The following SLC35F3 variants were observed in gnomAD, a reference collection of about 807,000 sequenced individuals.
The protein encoded by SLC35F3 is solute carrier family 35 member F3.
SLC35F3 carries 25 observed loss-of-function variants against 49.9 expected under a neutral mutation model. The observed-to-expected ratio is 0.50, with a 90% CI of 0.37 to 0.70. The LOEUF is 0.70. Among genes scored for constraint, SLC35F3 ranks in the 30% least tolerant of loss-of-function variants. The pLI is 0.00. For missense variants in SLC35F3, 525 were observed against 639.8 expected (o/e 0.82, Z 1.94); for synonymous variants, 275 against 265.4 (o/e 1.04, Z -0.35).
At chr1:234,216,976 G>C (rs1667131905) in intron 2 of SLC35F3, among the ~76,000 whole-genome samples, 1 of 152,082 alleles carries the variant, frequency 6.6e-6, no homozygotes, top group Admixed American at 6.5e-5. Context: ...TTTTTCCTTG[G>C]TGTTTTTATT....
chr1:234,269,354 C>T (rs1216420898), intron 3 of SLC35F3, among the ~76,000 whole-genome samples: 1 of 152,066 alleles, frequency 6.6e-6, no homozygotes, highest in African/African-American at 2.4e-5. Context: ...TGGGAAGTAA[C>T]CAGAATAGAA....
intron 2 of SLC35F3, among the ~76,000 whole-genome samples, chr1:234,060,725 T>A (rs1198702013): frequency 6.6e-6 from 1 of 152,218 alleles, no homozygotes; most frequent in Non-Finnish European, 1.5e-5. Flanking sequence ...GTGCTAGGAT[T>A]ACAGGCATGA....
At chr1:234,290,808 C>T (rs1668495104) in intron 3 of SLC35F3, among the ~76,000 whole-genome samples, 1 of 152,172 alleles carries the variant, frequency 6.6e-6, no homozygotes, top group Non-Finnish European at 1.5e-5. Context: ...ATGGAATGAA[C>T]CAGGACATTA....
In SLC35F3 at chr1:234,284,718, A is replaced by G. The variant is rs574396949; in HGVS notation, c.609-24383A>G. ...GAGAATGCCTGGCCCTTCCAAATGC[A>G]GGCATCCAGGTAACTCGTTCTGAAT... On this transcript the variant is annotated intron_variant, in intron 3 of 7. Transcript: ENST00000366618. Among the ~76,000 whole-genome samples the G allele has an allele frequency of 1.8e-3, 267 of 152,282 alleles. 1 individual carries two copies. Among genetic ancestry groups the G allele is most frequent in the African/African-American group, 6.2e-3 (257 of 41,536 alleles).
Position 233,905,028 on chromosome 1 carries a change from G to A in SLC35F3, c.-50G>A. The A allele has an allele frequency of 6.5e-7, 1 of 1,539,780 alleles. No individual in the cohort carries two copies. Among genetic ancestry groups the A allele is most frequent in the East Asian group, 2.5e-5 (1 of 40,440 alleles). ...CGGCTGCAGGGAGCTCCGGCCCGCGGCCCCTCCGCCTCAAGTCTGGGAGCT... is the reference window on the plus strand; with the variant it reads ...CGGCTGCAGGGAGCTCCGGCCCGCGACCCCTCCGCCTCAAGTCTGGGAGCT... On this transcript the variant is annotated 5_prime_UTR_variant, in exon 1 of 8. Coordinates refer to ENST00000366618, the MANE Select transcript of SLC35F3 (RefSeq NM_173508.4).
At chr1:234,236,227 G>A (rs896465008) in intron 3 of SLC35F3, among the ~76,000 whole-genome samples, 1 of 152,048 alleles carries the variant, frequency 6.6e-6, no homozygotes, top group South Asian at 2.1e-4. Context: ...GATTGATTGA[G>A]CCCAGAAGTT....
intron 2 of SLC35F3, among the ~76,000 whole-genome samples, chr1:233,972,344 A>T (rs1663009902): frequency 6.6e-6 from 1 of 152,234 alleles, no homozygotes; most frequent in African/African-American, 2.4e-5. Flanking sequence ...TGGCTGAAAC[A>T]TTATGAACAC....
At chr1:234,297,157 G>A (rs912272611) in intron 3 of SLC35F3, among the ~76,000 whole-genome samples, 2 of 152,186 alleles carry the variant, frequency 1.3e-5, no homozygotes, top group South Asian at 4.1e-4. Context: ...GACAACAAGT[G>A]TTAGTGATAA....
At chr1:233,935,730 G>A (rs10910313) in intron 2 of SLC35F3, among the ~76,000 whole-genome samples, 71,350 of 151,926 alleles carry the variant, frequency 0.47, 17,668 homozygotes, top group Middle Eastern at 0.58. Flanking sequence ...AGGCTCAGGG[G>A]TAAGAACTTG....
At chr1:233,944,638 AAGCAC>A (rs1662484000) in intron 2 of SLC35F3, among the ~76,000 whole-genome samples, 3 of 152,318 alleles carry the variant, frequency 2.0e-5, no homozygotes, top group Admixed American at 2.0e-4. Context: ...GTTTCATAGA[AAGCAC>A]ACTGACTTCT....
At chr1:234,302,684 T>C (rs967823477) in intron 3 of SLC35F3, among the ~76,000 whole-genome samples, 2 of 152,146 alleles carry the variant, frequency 1.3e-5, no homozygotes, top group Non-Finnish European at 2.9e-5. Flanking sequence ...TTGGCTCCGC[T>C]ACTAACATCT....
intron 2 of SLC35F3, among the ~76,000 whole-genome samples, chr1:234,186,178 C>G (rs761914527): frequency 2.0e-4 from 31 of 152,208 alleles, no homozygotes; most frequent in Non-Finnish European, 3.2e-4. Context: ...TAAGCAGTCT[C>G]ATTGCATTAA....
intron 2 of SLC35F3, among the ~76,000 whole-genome samples, chr1:234,008,595 G>T (rs1663666767): frequency 6.6e-6 from 1 of 152,164 alleles, no homozygotes; most frequent in African/African-American, 2.4e-5. Context: ...CATCTCTACT[G>T]CTTTCTTCTA....
chr1:234,112,556 C>CTTTT lies in SLC35F3; in HGVS notation c.284-118847_284-118844dup, dbSNP rs777353110. ...TTTTGTGAAGTTTATAATTCACACT[C>CTTTT]TTTTTTTTTTTTTTTTTGAGACAGA... On this transcript the variant is annotated intron_variant, in intron 2 of 7. Transcript: ENST00000366618. 1.1e-4 allele frequency among the ~76,000 whole-genome samples: 13 copies of CTTTT among 116,358 alleles called. 2 individuals are homozygous for CTTTT. Among genetic ancestry groups the CTTTT allele is most frequent in the East Asian group, 7.9e-4 (3 of 3,802 alleles). 76.3% of individuals were successfully genotyped at this position (116,358 alleles called of 152,430 possible).
At chr1:234,283,605 A>C (rs190127871) in intron 3 of SLC35F3, among the ~76,000 whole-genome samples, 131 of 152,356 alleles carry the variant, frequency 8.6e-4, no homozygotes, top group African/African-American at 3.0e-3. Flanking sequence ...CTACGGAAAG[A>C]TAGCTGAATT....
chr1:234,060,022 C>T (rs1045698609), intron 2 of SLC35F3, among the ~76,000 whole-genome samples: 2 of 152,204 alleles, frequency 1.3e-5, no homozygotes, highest in Non-Finnish European at 2.9e-5. Flanking sequence ...AATATTGCAT[C>T]CTTCAATCTA....
At chr1:234,089,746 G>A (rs1293139450) in intron 2 of SLC35F3, among the ~76,000 whole-genome samples, 1 of 152,150 alleles carries the variant, frequency 6.6e-6, no homozygotes, top group Admixed American at 6.5e-5. Context: ...TTCGCCACTG[G>A]AGGGGATAGG....
intron 2 of SLC35F3, among the ~76,000 whole-genome samples, chr1:234,039,978 C>T (rs1021220807): frequency 2.8e-5 from 4 of 144,786 alleles, no homozygotes; most frequent in African/African-American, 1.2e-4. Context: ...GGCAAAGGAC[C>T]AGTTTGACAG....
chr1:234,041,120 A>G (rs2102853120), intron 2 of SLC35F3, among the ~76,000 whole-genome samples: 1 of 152,364 alleles, frequency 6.6e-6, no homozygotes, highest in East Asian at 1.9e-4. Context: ...CATCAACATC[A>G]TTACTCTAGG....
Sources: allele counts gnomAD v4.1 joint callset (sites outside exome capture counted in the v4.1 genomes callset), GRCh38; gene constraint gnomAD v4.1.1; transcripts MANE v1.5; gene names NCBI Gene and HGNC (gene_info 2026-07-23, HGNC 2026-07-21).